The following HYDIN variants were observed in gnomAD, a reference collection of about 807,000 sequenced individuals.
HYDIN encodes the protein axonemal central pair apparatus protein HYDIN.
Under a neutral mutation model 403.9 loss-of-function variants are expected in HYDIN, and 132 were observed. The observed-to-expected ratio is 0.33, with a 90% CI of 0.28 to 0.38. The LOEUF is 0.38. Ranked by LOEUF, HYDIN falls within the 10% of genes least tolerant of loss-of-function variation. The pLI, the probability that HYDIN is intolerant of heterozygous loss-of-function variation, is 1.00. For missense variants in HYDIN, 2,827 were observed against 5,009.5 expected (o/e 0.56, Z 13.15); for synonymous variants, 1,202 against 1,891.7 (o/e 0.64, Z 9.46).
chr16:71,163,196 C>G (rs1179950535), intron 5 of HYDIN, among the ~76,000 whole-genome samples: 4 of 149,170 alleles, frequency 2.7e-5, no homozygotes, highest in Non-Finnish European at 5.9e-5. Context: ...AATCTCTGCT[C>G]ACTACAAGCT....
At chr16:70,960,661 C>A (rs968291473) in intron 38 of HYDIN, among the ~76,000 whole-genome samples, 1 of 152,078 alleles carries the variant, frequency 6.6e-6, no homozygotes, top group Admixed American at 6.5e-5. Context: ...GGACATCTTT[C>A]CATTTACTTA....
chr16:71,069,883 A>G (rs1480282519), intron 13 of HYDIN, among the ~76,000 whole-genome samples: 1 of 152,226 alleles, frequency 6.6e-6, no homozygotes, highest in Non-Finnish European at 1.5e-5. Flanking sequence ...TTACACAAAA[A>G]TATACATTTT....
intron 36 of HYDIN, among the ~76,000 whole-genome samples, chr16:70,968,953 T>TA (rs1232873917): frequency 6.6e-6 from 1 of 151,054 alleles, no homozygotes; most frequent in Non-Finnish European, 1.5e-5. Context: ...ACACAAGATA[T>TA]AAAAAAGAAC....
chr16:70,964,732 C>T lies in HYDIN; in HGVS notation c.5784G>A (p.Glu1928=), dbSNP rs376212850. 258 of 1,611,734 alleles carry T rather than the reference C, an allele frequency of 1.6e-4. No individual in the cohort carries two copies. Among genetic ancestry groups the T allele is most frequent in the Non-Finnish European group, 2.0e-4 (240 of 1,178,064 alleles). Residue 1928 remains glutamate, a synonymous_variant, in exon 37 of 86, where the codon GAG becomes GAA. Coordinates refer to ENST00000393567, the MANE Select transcript of HYDIN (RefSeq NM_001270974.2). ...TTCTCCACATTGAGTTCTCACCATTCTCCTGTGCCAGATTCTCCAGATATT... is the reference window on the plus strand; with the variant it reads ...TTCTCCACATTGAGTTCTCACCATTTTCCTGTGCCAGATTCTCCAGATATT... ...RAKYLENLAQ[E]NEEEDITSSD...
chr16:71,206,577 A>C (rs1209098518), intron 1 of HYDIN, among the ~76,000 whole-genome samples: 1 of 152,206 alleles, frequency 6.6e-6, no homozygotes, highest in Non-Finnish European at 1.5e-5. Flanking sequence ...CCAGACTGAG[A>C]TGGCTGAAAT....
intron 10 of HYDIN, among the ~76,000 whole-genome samples, chr16:71,106,416 G>A (rs1373102026): frequency 6.6e-6 from 1 of 152,094 alleles, no homozygotes; most frequent in African/African-American, 2.4e-5. Context: ...CCTTGTATCC[G>A]CTTCTATAAT....
chr16:71,217,286 TGTC>T (rs2088936639), intron 1 of HYDIN, among the ~76,000 whole-genome samples: 1 of 152,188 alleles, frequency 6.6e-6, no homozygotes. Context: ...TGCCCCAAGT[TGTC>T]GTTCAGACAA....
At chr16:70,824,736 C>T (rs2036482663) in intron 83 of HYDIN, among the ~76,000 whole-genome samples, 1 of 151,768 alleles carries the variant, frequency 6.6e-6, no homozygotes, top group Non-Finnish European at 1.5e-5. Context: ...GCTGGAATTA[C>T]AGGCATGAGC....
At position 71,175,649 on chromosome 16, in the gene HYDIN, C is replaced by T; in HGVS notation, c.474G>A (p.Val158=). 1 of 1,614,100 alleles carries T rather than the reference C, an allele frequency of 6.2e-7. No homozygotes were observed. The highest frequency in any genetic ancestry group is 8.5e-7 in the Non-Finnish European group (1 of 1,179,928). Residue 158 remains valine, a synonymous_variant, in exon 5 of 86, where the codon GTG becomes GTA. Transcript: ENST00000393567. ...TAAAGAGGATTCGGAATATGGAAGG[C>T]ACTCCAGGAGCCACTTTGTGGCCAA... ...KDIGHKVAPG[V]PSIFRILFTP...
intron 12 of HYDIN, 170 bp from the exon 13 acceptor site, chr16:71,080,122 A>G (rs2082739028): frequency 4.1e-6 from 2 of 485,578 alleles, no homozygotes; most frequent in South Asian, 7.7e-5. Context: ...AGTGGTTCTT[A>G]AAATTCTTTT....
At chr16:71,164,718 G>A (rs1169991833) in intron 5 of HYDIN, among the ~76,000 whole-genome samples, 1 of 103,958 alleles carries the variant, frequency 9.6e-6, no homozygotes, top group African/African-American at 4.0e-5. Context: ...CCAAACCAAA[G>A]CTCCTGATGA....
At chr16:71,051,311 C>T (rs2081627946) in intron 18 of HYDIN, among the ~76,000 whole-genome samples, 2 of 151,992 alleles carry the variant, frequency 1.3e-5, no homozygotes, top group South Asian at 4.1e-4. Flanking sequence ...CTTAATGTGA[C>T]ATAGGCGTTT....
intron 62 of HYDIN, 117 bp from the exon 63 acceptor site, chr16:70,875,036 G>C: frequency 9.2e-7 from 1 of 1,083,626 alleles, no homozygotes; most frequent in East Asian, 2.8e-5. Context: ...ATTATGCCTA[G>C]TATTCACTTT....
In HYDIN at chr16:70,920,578, G is replaced by T. The variant is rs1313316441; in HGVS notation, c.7785+13C>A. 2 of 1,592,802 alleles carry T rather than the reference G, an allele frequency of 1.3e-6. No homozygotes were observed. The highest frequency in any genetic ancestry group is 2.7e-5 in the African/African-American group (2 of 74,428). On this transcript the variant is annotated intron_variant, in intron 46 of 85. Transcript: ENST00000393567. ...TGACTTGAGACTTCCCCACCCTGGA[G>T]GAGAGTCCATACCTGCTCTCCTTTG...
At position 71,080,093 on chromosome 16, in the gene HYDIN, T is replaced by G. The variant is rs2082738389; in HGVS notation, c.1671-141A>C. The G allele has an allele frequency of 1.0e-5, 6 of 587,816 alleles. No homozygotes were observed. The South Asian group carries it at 1.3e-4, about 13-fold the overall frequency. 36.4% of individuals were successfully genotyped at this position (587,816 alleles called of 1,614,324 possible). A position where few individuals can be genotyped will look rare whatever the true frequency, so the allele number is the denominator to read the frequency against. On this transcript the variant is annotated intron_variant, in intron 12 of 85. Transcript: ENST00000393567. ...TAGTATCCAGGATTTAGAGAAATGA[T>G]GACATGATGGTCTATCACAGTGGTT...
At chr16:70,876,052 AT>A (rs1396827848) in intron 62 of HYDIN, among the ~76,000 whole-genome samples, 1 of 152,090 alleles carries the variant, frequency 6.6e-6, no homozygotes, top group Non-Finnish European at 1.5e-5. Context: ...TACGAAGAGA[AT>A]GAGGAGTAAA....
At position 70,863,371 on chromosome 16, in the gene HYDIN, T is replaced by C. The variant is rs183603938; in HGVS notation, c.11472-189A>G. On this transcript the variant is annotated intron_variant, in intron 67 of 85. Transcript: ENST00000393567. ...TATGATATACTCGAACAAGAAAATA[T>C]ATAGTGATTAAAAGTAAAAATATAA... Among the ~76,000 whole-genome samples the C allele has an allele frequency of 2.6e-3, 395 of 152,288 alleles. 1 individual carries two copies. Among genetic ancestry groups the C allele is most frequent in the Non-Finnish European group, 4.6e-3 (310 of 68,020 alleles).
rs2035370113 is a variant in HYDIN at position 70,810,063 on chromosome 16, A to G, written c.14659-56T>C. The stretch of plus-strand genomic sequence containing the variant: ...CTGAAAGGCTAATTCATCACCTGCC[A>G]CCTAGAGACCTGCCCAAGGCTCCAT... On this transcript the variant is annotated intron_variant, in intron 84 of 85. Transcript: ENST00000393567. 4 of 1,490,760 alleles carry G rather than the reference A, an allele frequency of 2.7e-6. No homozygotes were observed. The South Asian group carries it at 4.5e-5, about 17-fold the overall frequency. The allele number at this position is 1,490,760 out of a possible 1,614,324, so 92.3% of individuals were successfully genotyped here. A position where few individuals can be genotyped will look rare whatever the true frequency, so the allele number is the denominator to read the frequency against.
intron 25 of HYDIN, among the ~76,000 whole-genome samples, chr16:70,989,239 A>G (rs2079269007): frequency 6.6e-6 from 1 of 151,914 alleles, no homozygotes; most frequent in Admixed American, 6.6e-5. Flanking sequence ...GAGTCTCGTT[A>G]TGTTGCCCAG....
Sources: allele counts gnomAD v4.1 joint callset (sites outside exome capture counted in the v4.1 genomes callset), GRCh38; gene constraint gnomAD v4.1.1; transcripts MANE v1.5; gene names NCBI Gene and HGNC (gene_info 2026-07-23, HGNC 2026-07-21).